Variants in AUTS2 observed in about 807,000 individuals in gnomAD.
AUTS2 encodes the protein activator of transcription and developmental regulator AUTS2.
Under a neutral mutation model 112.4 loss-of-function variants are expected in AUTS2, and 17 were observed. That is an observed-to-expected ratio of 0.15 (90% CI 0.10 to 0.23). AUTS2 has a LOEUF of 0.23. Ranked by LOEUF, AUTS2 falls within the 10% of genes least tolerant of loss-of-function variation. AUTS2 has a pLI of 1.00. For missense variants in AUTS2, 1,510 were observed against 1,701.6 expected (o/e 0.89, Z 1.98); for synonymous variants, 751 against 702.7 (o/e 1.07, Z -1.09).
intron 4 of AUTS2, among the ~76,000 whole-genome samples, chr7:70,195,611 G>A (rs1230450585): frequency 1.3e-5 from 2 of 152,094 alleles, no homozygotes; most frequent in African/African-American, 2.4e-5. Flanking sequence ...AGATTGTGCC[G>A]CTGCACTCCA....
At chr7:70,082,758 C>T (rs893360509) in intron 2 of AUTS2, among the ~76,000 whole-genome samples, 6 of 152,080 alleles carry the variant, frequency 3.9e-5, no homozygotes, top group Non-Finnish European at 7.4e-5. Context: ...TTCTTTTTGT[C>T]AACAGAGTAC....
At chr7:69,650,531 C>T (rs1402861390) in intron 1 of AUTS2, among the ~76,000 whole-genome samples, 1 of 152,134 alleles carries the variant, frequency 6.6e-6, no homozygotes, top group Non-Finnish European at 1.5e-5. Flanking sequence ...ATTTTAGCCC[C>T]GTGGGTCCCT....
intron 4 of AUTS2, among the ~76,000 whole-genome samples, chr7:70,357,985 C>CA (rs1293646774): frequency 7.9e-6 from 1 of 126,694 alleles, no homozygotes; most frequent in Non-Finnish European, 1.6e-5. Flanking sequence ...TGGAGGTTGG[C>CA]GAGACCTAGA....
At chr7:69,763,285 A>G (rs1333132110) in intron 1 of AUTS2, among the ~76,000 whole-genome samples, 2 of 152,188 alleles carry the variant, frequency 1.3e-5, no homozygotes, top group East Asian at 3.9e-4. Context: ...GTTGAGGATG[A>G]TTAGGTAGAA....
chr7:70,078,569 C>A (rs1229524621), intron 2 of AUTS2, among the ~76,000 whole-genome samples: 1 of 152,292 alleles, frequency 6.6e-6, no homozygotes, highest in South Asian at 2.1e-4. Context: ...GCTCTACCTA[C>A]CTCATGTCTT....
At chr7:69,654,706 G>C (rs532847031) in intron 1 of AUTS2, among the ~76,000 whole-genome samples, 45 of 152,166 alleles carry the variant, frequency 3.0e-4, no homozygotes, top group African/African-American at 1.1e-3. Flanking sequence ...GACTTGTGAC[G>C]GTTTTCCTGT....
intron 4 of AUTS2, among the ~76,000 whole-genome samples, chr7:70,298,582 T>C (rs572304657): frequency 6.6e-6 from 1 of 152,196 alleles, no homozygotes; most frequent in Non-Finnish European, 1.5e-5. Context: ...TCCCAAGATA[T>C]TAATGTAAGT....
At chr7:69,744,670 C>CAA (rs61451653) in intron 1 of AUTS2, among the ~76,000 whole-genome samples, 8 of 104,040 alleles carry the variant, frequency 7.7e-5, no homozygotes, top group East Asian at 5.2e-4. Flanking sequence ...CCCCACACTA[C>CAA]AAAAAAAAAA....
intron 2 of AUTS2, among the ~76,000 whole-genome samples, chr7:70,049,364 C>T (rs1801645899): frequency 1.3e-5 from 2 of 151,722 alleles, no homozygotes; most frequent in South Asian, 4.2e-4. Context: ...CAGAATCTCA[C>T]TCTTGCCCAG....
intron 2 of AUTS2, among the ~76,000 whole-genome samples, chr7:69,944,781 A>G (rs1371757017): frequency 1.3e-5 from 2 of 152,208 alleles, no homozygotes; most frequent in Non-Finnish European, 2.9e-5. Context: ...TTTTACCCTT[A>G]CGTATCAGAT....
chr7:70,693,521 C>A (rs1808865270), intron 5 of AUTS2, among the ~76,000 whole-genome samples: 2 of 152,218 alleles, frequency 1.3e-5, no homozygotes, highest in South Asian at 4.1e-4. Context: ...ACACTGCGGT[C>A]AGTCGGCTGT....
intron 5 of AUTS2, among the ~76,000 whole-genome samples, chr7:70,508,245 C>T (rs1352475285): frequency 1.3e-5 from 2 of 150,854 alleles, no homozygotes; most frequent in African/African-American, 4.9e-5. Context: ...GGGGCATTAA[C>T]GATCATTAAT....
intron 2 of AUTS2, among the ~76,000 whole-genome samples, chr7:70,034,978 C>A (rs1423432327): frequency 5.3e-5 from 8 of 152,106 alleles, no homozygotes; most frequent in Non-Finnish European, 1.5e-5. Context: ...ACTATAGTCA[C>A]GTGCCATTAC....
chr7:70,731,623 G>A (rs35524416), intron 6 of AUTS2, among the ~76,000 whole-genome samples: 19,270 of 151,154 alleles, frequency 0.13, 1,738 homozygotes, highest in East Asian at 0.4. Flanking sequence ...TAGAGACGGG[G>A]TTTCACCATG....
At chr7:70,285,164 C>G (rs1163196093) in intron 4 of AUTS2, among the ~76,000 whole-genome samples, 2 of 151,976 alleles carry the variant, frequency 1.3e-5, no homozygotes, top group East Asian at 1.9e-4. Flanking sequence ...GTCAGAAGCT[C>G]TTAACATTTG....
chr7:70,553,889 T>C (rs1173853347), intron 5 of AUTS2, among the ~76,000 whole-genome samples: 11 of 135,840 alleles, frequency 8.1e-5, no homozygotes, highest in African/African-American at 2.5e-4. Context: ...GCCTCAACCC[T>C]CCCAAGTAGC....
intron 5 of AUTS2, among the ~76,000 whole-genome samples, chr7:70,610,767 T>C (rs1019167829): frequency 2.0e-5 from 3 of 152,320 alleles, no homozygotes; most frequent in Admixed American, 6.5e-5. Flanking sequence ...TAAATATATC[T>C]GTTGGCCATT....
intron 5 of AUTS2, among the ~76,000 whole-genome samples, chr7:70,614,852 G>A (rs1034124321): frequency 3.1e-4 from 47 of 152,204 alleles, no homozygotes; most frequent in Non-Finnish European, 7.3e-5. Context: ...CCCCTGGCTG[G>A]TCGGCAGCCT....
intron 11 of AUTS2, among the ~76,000 whole-genome samples, chr7:70,772,975 A>G (rs1390798524): frequency 6.6e-6 from 1 of 152,222 alleles, no homozygotes; most frequent in East Asian, 1.9e-4. Flanking sequence ...ATCCAATCAC[A>G]CAGAAAACTA....
Sources: gnomAD v4.1 joint callset for allele counts (sites outside exome capture counted in the v4.1 genomes callset) on GRCh38, gnomAD v4.1.1 for gene constraint, MANE v1.5 for transcripts, NCBI Gene and HGNC (gene_info 2026-07-23, HGNC 2026-07-21) for gene names.